The following SLC4A5 variants were observed in gnomAD, a reference collection of about 807,000 sequenced individuals.
SLC4A5 encodes solute carrier family 4 member 5, also known as electrogenic sodium bicarbonate cotransporter 4.
SLC4A5 carries 96 observed loss-of-function variants against 120.4 expected under a neutral mutation model. The observed-to-expected ratio is 0.80, with a 90% CI of 0.68 to 0.94. SLC4A5 has a LOEUF of 0.94. SLC4A5 is among the 40% of genes least tolerant of loss of function. SLC4A5 has a pLI of 0.00. For synonymous variants in SLC4A5, 550 were observed against 571.1 expected, an observed-to-expected ratio of 0.96 and a Z score of 0.53; for missense variants, 1,259 against 1,459.5, an observed-to-expected ratio of 0.86 and a Z score of 2.24.
At position 74,225,071 on chromosome 2, in the gene SLC4A5, A is replaced by AT. The variant is rs150255670; in HGVS notation, c.3091-77dup. Reference sequence around the variant, plus strand: ...TCTCAATGCCCAAACTCAGGCATAGATTTTTTTCTCCCTCAGTCGGCTGAG... The same window carrying AT: ...TCTCAATGCCCAAACTCAGGCATAGATTTTTTTTCTCCCTCAGTCGGCTGAG... On this transcript the variant is annotated intron_variant, in intron 27 of 30. Coordinates refer to ENST00000394019, the Ensembl canonical transcript of SLC4A5. The AT allele has an allele frequency of 4.1e-6, 6 of 1,456,480 alleles. No individual in the cohort carries two copies. The African/African-American group carries it at 4.3e-5, about 10-fold the overall frequency. The allele number at this position is 1,456,480 out of a possible 1,614,324, so 90.2% of individuals were successfully genotyped here.
chr2:74,238,499 A>G (rs1242743771), intron 21 of SLC4A5, among the ~76,000 whole-genome samples: 1 of 152,204 alleles, frequency 6.6e-6, no homozygotes, highest in Admixed American at 6.5e-5. Context: ...AGAAATGAAG[A>G]CTGTGATACT....
At chr2:74,240,006 T>A in intron 20 of SLC4A5, among the ~76,000 whole-genome samples, 1 of 149,158 alleles carries the variant, frequency 6.7e-6, no homozygotes, top group Admixed American at 6.7e-5. Flanking sequence ...AGTGAATTTT[T>A]ATATATAAAT....
chr2:74,293,665 G>A lies in SLC4A5; in HGVS notation c.272-7763C>T, dbSNP rs1226375350. Among the ~76,000 whole-genome samples, 5 of 152,316 alleles carry A rather than the reference G, an allele frequency of 3.3e-5. No individual in the cohort carries two copies. The East Asian group carries it at 7.7e-4, about 24-fold the overall frequency. On this transcript the variant is annotated intron_variant, in intron 7 of 30. Transcript: ENST00000394019. ...GCACTGCGCTCACCCACTTGAGCCC[G>A]GCTCTTCGTTTTGCTTTGGGACTGT...
At chr2:74,232,304 T>C (rs1670115381) in intron 24 of SLC4A5, among the ~76,000 whole-genome samples, 165 bp downstream of exon 24, 1 of 152,110 alleles carries the variant, frequency 6.6e-6, no homozygotes, top group South Asian at 2.1e-4. Context: ...CTTCTGTCTC[T>C]CTCCTTCCCT....
At position 74,336,683 on chromosome 2, in the gene SLC4A5, T is replaced by C. The variant is rs1573116630; in HGVS notation, c.-221+2172A>G. ...CAGCTGATAACTGGCTGCCCTGGCC[T>C]GGGGGATGGGAATAGGGAGTCTTGC... On this transcript the variant is annotated intron_variant, in intron 3 of 30. Coordinates refer to ENST00000394019, the Ensembl canonical transcript of SLC4A5. 1.3e-5 allele frequency among the ~76,000 whole-genome samples: 2 copies of C among 152,180 alleles called. 1 individual carries two copies. The highest frequency in any genetic ancestry group is 4.1e-4 in the South Asian group (2 of 4,824).
chr2:74,227,456 A>G lies in SLC4A5; in HGVS notation c.2917-326T>C, dbSNP rs1694885901. 22 of 1,569,088 alleles carry G rather than the reference A, an allele frequency of 1.4e-5. No homozygotes were observed. In the South Asian group the frequency reaches 2.4e-4, roughly 17 times the overall value. On this transcript the variant is annotated intron_variant, in intron 26 of 30. Coordinates refer to ENST00000394019, the Ensembl canonical transcript of SLC4A5. The stretch of plus-strand genomic sequence containing the variant: ...TTCACAGTAAATACAGAACAAAACA[A>G]AAATGTTTTCTTCTGCATAGCTGCC...
intron 8 of SLC4A5, among the ~76,000 whole-genome samples, chr2:74,284,031 A>G (rs1392654146): frequency 1.3e-5 from 2 of 151,822 alleles, no homozygotes; most frequent in African/African-American, 2.4e-5. Context: ...TTATTTTTGT[A>G]GAGACGAGGT....
chr2:74,303,354 C>T (rs979568137), intron 7 of SLC4A5, among the ~76,000 whole-genome samples: 3 of 152,108 alleles, frequency 2.0e-5, no homozygotes, highest in Non-Finnish European at 4.4e-5. Flanking sequence ...TACTAAGATG[C>T]AGTCACTGCC....
At chr2:74,294,486 C>A (rs1482034851) in intron 7 of SLC4A5, among the ~76,000 whole-genome samples, 3 of 152,062 alleles carry the variant, frequency 2.0e-5, no homozygotes, top group Admixed American at 1.3e-4. Flanking sequence ...GATATAAATG[C>A]AGTATAATGA....
chr2:74,227,282 C>G (rs1694879390), intron 26 of SLC4A5, 152 bp from the exon 27 acceptor site: 1 of 1,021,686 alleles, frequency 9.8e-7, no homozygotes, highest in Non-Finnish European at 1.4e-6. Flanking sequence ...CTGGAGGTGT[C>G]TAGGCGGATG....
exon 6 of SLC4A5, chr2:74,314,945 C>T (rs539201517): frequency 6.2e-7 from 1 of 1,613,710 alleles, no homozygotes; most frequent in African/African-American, 1.3e-5. Context: ...GTGACCTCAC[C>T]TTTCTGATCC....
intron 7 of SLC4A5, among the ~76,000 whole-genome samples, chr2:74,297,917 C>T (rs1394200237): frequency 6.6e-6 from 1 of 152,166 alleles, no homozygotes; most frequent in Non-Finnish European, 1.5e-5. Context: ...CTTGAAAGGA[C>T]ATCATTATCA....
chr2:74,243,441 T>C (rs966378332), intron 19 of SLC4A5, among the ~76,000 whole-genome samples: 4 of 152,234 alleles, frequency 2.6e-5, no homozygotes, highest in Non-Finnish European at 5.9e-5. Context: ...GGGCAGAATA[T>C]TCCTAGAAGC....
At chr2:74,313,388 A>C (rs896690860) in intron 6 of SLC4A5, among the ~76,000 whole-genome samples, 8 of 152,196 alleles carry the variant, frequency 5.3e-5, no homozygotes, top group South Asian at 4.1e-4. Context: ...TTTAGAGAGA[A>C]GTTGAATATG....
In SLC4A5 at chr2:74,221,613, A is replaced by G. The variant is rs1694649578; in HGVS notation, c.3332-112T>C. 47 of 1,048,218 alleles carry G rather than the reference A, an allele frequency of 4.5e-5. 1 individual carries two copies. In the South Asian group the frequency reaches 4.8e-4, roughly 11 times the overall value. 64.9% of individuals were successfully genotyped at this position (1,048,218 alleles called of 1,614,324 possible). ...CTTCTCTAACCCTAGAGCCAACACT[A>G]TGCAAGAGGAATACGGGGCCTCAGA... On this transcript the variant is annotated intron_variant, in intron 29 of 30. Coordinates refer to ENST00000394019, the Ensembl canonical transcript of SLC4A5.
intron 20 of SLC4A5, among the ~76,000 whole-genome samples, chr2:74,240,058 T>TAA (rs1231997003): frequency 6.7e-6 from 1 of 149,176 alleles, no homozygotes; most frequent in East Asian, 1.9e-4. Flanking sequence ...TATATATATA[T>TAA]AAATGTGTAC....
rs1045379401 is a variant in SLC4A5 at position 74,288,237 on chromosome 2, T to C, written c.272-2335A>G. Among the ~76,000 whole-genome samples, 7 of 152,184 alleles carry C rather than the reference T, an allele frequency of 4.6e-5. No homozygotes were observed. The East Asian group carries it at 9.7e-4, about 21-fold the overall frequency. On this transcript the variant is annotated intron_variant, in intron 7 of 30. Coordinates refer to ENST00000394019, the Ensembl canonical transcript of SLC4A5. ...CCTGCTTGGCAACAATCCATGAGAG[T>C]TGATGATGGTGCCTTCTTAGGTAAA...
At chr2:74,258,971 G>A (rs1447253194) in intron 12 of SLC4A5, among the ~76,000 whole-genome samples, 3 of 152,116 alleles carry the variant, frequency 2.0e-5, no homozygotes. Context: ...GGGACCATGG[G>A]GCCTCCTGTC....
At chr2:74,327,050 T>C (rs1417924844) in intron 5 of SLC4A5, among the ~76,000 whole-genome samples, 1 of 152,142 alleles carries the variant, frequency 6.6e-6, no homozygotes, top group African/African-American at 2.4e-5. Context: ...AACAAATCCT[T>C]ATTGAGTATC....
Sources: gnomAD v4.1 joint callset for allele counts (sites outside exome capture counted in the v4.1 genomes callset) on GRCh38, gnomAD v4.1.1 for gene constraint, MANE v1.5 for transcripts, NCBI Gene and HGNC (gene_info 2026-07-23, HGNC 2026-07-21) for gene names.